The following RNF19A variants were observed in gnomAD, a reference collection of about 807,000 sequenced individuals.
The protein encoded by RNF19A is E3 ubiquitin-protein ligase RNF19A.
In RNF19A, 32 loss-of-function variants were observed where a neutral mutation model predicts 75.7. The ratio of observed to expected loss-of-function variants is 0.42; its 90% confidence interval spans 0.32 to 0.57. The LOEUF (loss-of-function observed/expected upper bound fraction) is 0.57, where lower values mean the gene tolerates loss of function less well. Ranked by LOEUF, RNF19A falls within the 20% of genes least tolerant of loss-of-function variation. RNF19A has a pLI of 0.10. For missense variants in RNF19A, 782 were observed against 1,036.3 expected (o/e 0.75, Z 3.37); for synonymous variants, 335 against 345.2 (o/e 0.97, Z 0.33).
rs146823667 is a variant in RNF19A, at chr8:100,274,908, T to A, written c.883+45A>T. The A allele has an allele frequency of 1.8e-5, 26 of 1,445,348 alleles. No homozygotes were observed. In the Middle Eastern group the frequency reaches 1.1e-3, roughly 62 times the overall value. The allele number at this position is 1,445,348 out of a possible 1,614,324, so 89.5% of individuals were successfully genotyped here. A position where few individuals can be genotyped will look rare whatever the true frequency, so the allele number is the denominator to read the frequency against. The stretch of plus-strand genomic sequence containing the variant: ...AACTTTAAAAAGTTAAAATAACTAG[T>A]GTTTTGTGTCAAATATTTTATTAGA... On this transcript the variant is annotated intron_variant, in intron 3 of 9. Transcript: ENST00000341084.
rs535341954 is a variant in RNF19A, at chr8:100,325,263, A to C, written c.-243+10845T>G. 3.9e-5 allele frequency among the ~76,000 whole-genome samples: 6 copies of C among 152,344 alleles called. No individual in the cohort carries two copies. Among genetic ancestry groups the C allele is most frequent in the Admixed American group, 1.3e-4 (2 of 15,292 alleles). Reference sequence around the variant, plus strand: ...AGAAGAAGAAACATGTTTGATACTGAAGGCAGAGAACTTAAGAGCCTGAAG... The same window carrying C: ...AGAAGAAGAAACATGTTTGATACTGCAGGCAGAGAACTTAAGAGCCTGAAG... On this transcript the variant is annotated intron_variant, in intron 1 of 3. Transcript: ENST00000519527. The surrounding 1 kb of genome is among the most constrained non-coding windows in gnomAD (Gnocchi z 4.3).
chr8:100,277,797 T>TA (rs1563844695), intron 2 of RNF19A, among the ~76,000 whole-genome samples: 1 of 151,070 alleles, frequency 6.6e-6, no homozygotes, highest in Admixed American at 6.6e-5. Context: ...CTATTTTTTT[T>TA]AATCAAAGTT....
In RNF19A at chr8:100,259,920, A is replaced by G; in HGVS notation, c.1760T>C (p.Val587Ala). 1 of 1,613,902 alleles carries G rather than the reference A, an allele frequency of 6.2e-7. No individual in the cohort carries two copies. Among genetic ancestry groups the G allele is most frequent in the South Asian group, 1.1e-5 (1 of 91,080 alleles). The change falls in exon 9 of 10, where the codon GTT becomes GCT. Residue 587 changes from valine to alanine, a missense_variant. By Grantham distance (64) the Val-to-Ala change is moderately conservative (BLOSUM62 0). This residue lies in a region of RNF19A where 442 missense variants were observed against 541.6 expected (regional missense o/e 0.82). Transcript: ENST00000341084. The surrounding 1 kb of genome is among the most constrained non-coding windows in gnomAD (Gnocchi z 4.5). ...TGCTTTGGTGCTGGCATTATCACTA[A>G]CTGTTCCCAAGCTGACTGTGCCAGA... ...GESGTVSLGT[V>A]SDNASTKAMA...
chr8:100,302,831 C>T (rs1010970365), intron 1 of RNF19A, among the ~76,000 whole-genome samples: 15 of 152,126 alleles, frequency 9.9e-5, no homozygotes, highest in African/African-American at 3.6e-4. Context: ...ATGTCAACTA[C>T]ATCTTAAAAA....
intron 1 of RNF19A, among the ~76,000 whole-genome samples, chr8:100,326,369 A>G (rs148472375): frequency 3.3e-3 from 504 of 152,214 alleles, no homozygotes; most frequent in African/African-American, 0.011. Flanking sequence ...GATTCCCAGC[A>G]TTTTCCATTC....
Position 100,263,988 on chromosome 8 carries a change from T to C in RNF19A, c.1468+46A>G, listed in dbSNP as rs575513791. 7 of 1,555,470 alleles carry C rather than the reference T, an allele frequency of 4.5e-6. No homozygotes were observed. In the African/African-American group the frequency reaches 8.2e-5, roughly 18 times the overall value. ...TGTTATCTCTGGCCTCCCCACTACT[T>C]ACACTGTTAATAAGCACATTTTCTT... On this transcript the variant is annotated intron_variant, in intron 7 of 9. Coordinates refer to ENST00000341084, the MANE Select transcript of RNF19A (RefSeq NM_183419.4).
intron 2 of RNF19A, among the ~76,000 whole-genome samples, chr8:100,282,248 C>T (rs1256620569): frequency 6.6e-6 from 1 of 152,150 alleles, no homozygotes; most frequent in Non-Finnish European, 1.5e-5. Context: ...CTCATTAAAA[C>T]ACCACCAAAA....
At position 100,322,509 on chromosome 8, in the gene RNF19A, A is replaced by G. The variant is rs185600238; in HGVS notation, c.-242-9137T>C. Among the ~76,000 whole-genome samples the G allele has an allele frequency of 5.3e-5, 8 of 152,362 alleles. No individual in the cohort carries two copies. The highest frequency in any genetic ancestry group is 6.5e-5 in the Admixed American group (1 of 15,306). Reference sequence around the variant, plus strand: ...TATTCAGACCATTTAAACTTTCTCCAAATTAGCAATAAGGCTGTTTCATTT... The same window carrying G: ...TATTCAGACCATTTAAACTTTCTCCGAATTAGCAATAAGGCTGTTTCATTT... On this transcript the variant is annotated intron_variant, in intron 1 of 3. Coordinates refer to the RNF19A transcript ENST00000519527. The surrounding 1 kb of genome is among the most constrained non-coding windows in gnomAD (Gnocchi z 5.1).
chr8:100,307,614 T>A (rs1444546916), intron 1 of RNF19A, among the ~76,000 whole-genome samples: 1 of 151,970 alleles, frequency 6.6e-6, no homozygotes. Flanking sequence ...TTATTTCAAA[T>A]AGTTAAAACA....
At position 100,322,170 on chromosome 8, in the gene RNF19A, T is replaced by A. The variant is rs1472668334; in HGVS notation, c.-242-8798A>T. 1.3e-5 allele frequency among the ~76,000 whole-genome samples: 2 copies of A among 152,220 alleles called. No homozygotes were observed. Among genetic ancestry groups the A allele is most frequent in the South Asian group, 2.1e-4 (1 of 4,832 alleles). The stretch of plus-strand genomic sequence containing the variant: ...GCCAAGCATTGACTTCTCCTCTCTA[T>A]GAAGTCCAAATGGCATCTTCTTCCT... On this transcript the variant is annotated intron_variant, in intron 1 of 3. Transcript: ENST00000519527. The surrounding 1 kb of genome is among the most constrained non-coding windows in gnomAD (Gnocchi z 5.1).
At chr8:100,265,022 T>C (rs1819906015) in intron 5 of RNF19A, among the ~76,000 whole-genome samples, 1 of 152,218 alleles carries the variant, frequency 6.6e-6, no homozygotes, top group Admixed American at 6.5e-5. Flanking sequence ...TGCTTAAAAG[T>C]TCTGAGTAAA....
Position 100,258,442 on chromosome 8 carries a change from TATG to T in RNF19A, c.*111_*113del. ...CTGAACACAGAAAATGTATCTGCAT[TATG>T]ATAATGAAACCCGGCTTTTGCTGGT... On this transcript the variant is annotated 3_prime_UTR_variant, in exon 10 of 10. Coordinates refer to ENST00000341084, the MANE Select transcript of RNF19A (RefSeq NM_183419.4). This position sits in a 1 kb window ranked among gnomAD's most constrained non-coding sequence, Gnocchi z 4.3. 1 of 797,374 alleles carries T rather than the reference TATG, an allele frequency of 1.3e-6. No homozygotes were observed. Among genetic ancestry groups the T allele is most frequent in the East Asian group, 2.5e-5 (1 of 39,840 alleles). The allele number at this position is 797,374 out of a possible 1,614,324, so 49.4% of individuals were successfully genotyped here.
chr8:100,321,542 A>C (rs182224774), intron 1 of RNF19A, among the ~76,000 whole-genome samples: 95 of 152,328 alleles, frequency 6.2e-4, no homozygotes, highest in African/African-American at 2.0e-3. Flanking sequence ...GTTGGAGTCA[A>C]CTTCTTTCAA....
At chr8:100,281,194 G>T (rs1820767033) in intron 2 of RNF19A, among the ~76,000 whole-genome samples, 1 of 152,172 alleles carries the variant, frequency 6.6e-6, no homozygotes. Context: ...TGGACAGCAA[G>T]AAAGTGGGGA....
intron 2 of RNF19A, among the ~76,000 whole-genome samples, chr8:100,280,674 A>G (rs1820741732): frequency 6.6e-6 from 1 of 152,230 alleles, no homozygotes; most frequent in Admixed American, 6.5e-5. Flanking sequence ...GTTTTTTCTC[A>G]CACTAACACT....
At chr8:100,266,967 C>A (rs925298242) in intron 5 of RNF19A, among the ~76,000 whole-genome samples, 1 of 152,068 alleles carries the variant, frequency 6.6e-6, no homozygotes, top group African/African-American at 2.4e-5. Context: ...ATAAAAAATT[C>A]AGCTGTTTTA....
At chr8:100,267,967 C>T (rs953191886) in intron 5 of RNF19A, among the ~76,000 whole-genome samples, 1 of 151,940 alleles carries the variant, frequency 6.6e-6, no homozygotes, top group Non-Finnish European at 1.5e-5. Flanking sequence ...GGTGAGGCAC[C>T]GCACCTGGCC....
chr8:100,313,354 C>A (rs1436137995), upstream of RNF19A: 4 of 981,742 alleles, frequency 4.1e-6, no homozygotes, highest in Non-Finnish European at 3.6e-6. Context: ...GTCAATTCTT[C>A]TGACATTTGA....
At chr8:100,286,049 T>C (rs1206620795) in intron 2 of RNF19A, among the ~76,000 whole-genome samples, 1 of 152,330 alleles carries the variant, frequency 6.6e-6, no homozygotes, top group East Asian at 1.9e-4. Context: ...AACTTGCACA[T>C]GTGCACCAGT....
Sources: gnomAD v4.1 joint callset for allele counts (sites outside exome capture counted in the v4.1 genomes callset) on GRCh38, gnomAD v4.1.1 for gene constraint, gnomAD v4.1.1 regional missense constraint, Gnocchi (gnomAD v3.1) non-coding constraint, MANE v1.5 for transcripts, NCBI Gene and HGNC (gene_info 2026-07-23, HGNC 2026-07-21) for gene names.